Variants in CFAP54 observed in about 807,000 individuals in gnomAD.
CFAP54 encodes the protein cilia- and flagella-associated protein 54.
A neutral mutation model predicts 370.4 loss-of-function variants in CFAP54; 290 were observed. That is an observed-to-expected ratio of 0.78 (90% confidence interval 0.71 to 0.86). The LOEUF (loss-of-function observed/expected upper bound fraction) is 0.86. CFAP54 is among the 40% of genes least tolerant of loss of function. The pLI is 0.00. For missense variants in CFAP54, 3,399 were observed against 3,528.7 expected (o/e 0.96, Z 0.93); for synonymous variants, 1,206 against 1,236.5 (o/e 0.98, Z 0.52).
intron 26 of CFAP54, among the ~76,000 whole-genome samples, chr12:96,607,534 G>A (rs572198495): frequency 5.3e-5 from 8 of 152,228 alleles, no homozygotes; most frequent in African/African-American, 1.7e-4. Flanking sequence ...ACATAGTACA[G>A]AATTACCTAG....
chr12:96,600,533 G>T (rs1266627907), intron 26 of CFAP54, among the ~76,000 whole-genome samples: 1 of 152,124 alleles, frequency 6.6e-6, no homozygotes, highest in Non-Finnish European at 1.5e-5. Flanking sequence ...GAAAGTCATT[G>T]GTAGCTTGAT....
At chr12:96,671,529 A>G (rs1029431430) in intron 39 of CFAP54, among the ~76,000 whole-genome samples, 50 of 152,192 alleles carry the variant, frequency 3.3e-4, no homozygotes, top group African/African-American at 1.2e-3. Context: ...GGAACTTAGT[A>G]TCTCTTTGCT....
At chr12:96,595,921 A>G (rs550836479) in intron 25 of CFAP54, among the ~76,000 whole-genome samples, 3 of 152,120 alleles carry the variant, frequency 2.0e-5, no homozygotes, top group African/African-American at 7.2e-5. Context: ...ATTTTTACCC[A>G]TTGGAAGGTG....
intron 66 of CFAP54, among the ~76,000 whole-genome samples, chr12:96,858,169 T>C (rs1959765632): frequency 6.6e-6 from 1 of 152,230 alleles, no homozygotes; most frequent in East Asian, 1.9e-4. Context: ...TACTAGCATC[T>C]GTTATTTTTT....
Position 96,500,955 on chromosome 12 carries a change from G to C in CFAP54, c.423+16G>C, listed in dbSNP as rs925682914. The C allele has an allele frequency of 6.2e-6, 9 of 1,463,270 alleles. No individual in the cohort carries two copies. The East Asian group carries it at 2.2e-4, about 36-fold the overall frequency. The allele number at this position is 1,463,270 out of a possible 1,614,324, so 90.6% of individuals were successfully genotyped here. ...TCAAATGAAAGTAAGTGCCTCTGCAGGAAAGAGCCAAAAAGAAGTTCATTT... is the reference window on the plus strand; with the variant it reads ...TCAAATGAAAGTAAGTGCCTCTGCACGAAAGAGCCAAAAAGAAGTTCATTT... On this transcript the variant is annotated intron_variant, in intron 2 of 67. Coordinates refer to ENST00000524981, the MANE Select transcript of CFAP54 (RefSeq NM_001306084.2).
chr12:96,648,117 C>A, intron 34 of CFAP54, 100 bp downstream of exon 34: 2 of 828,724 alleles, frequency 2.4e-6, no homozygotes, highest in Non-Finnish European at 3.3e-6. Flanking sequence ...AATGTATACA[C>A]CCAGTTTTCC....
chr12:96,696,110 G>A (rs1369420721), intron 45 of CFAP54, among the ~76,000 whole-genome samples: 2 of 152,142 alleles, frequency 1.3e-5, no homozygotes, highest in Non-Finnish European at 2.9e-5. Context: ...GAGGAAAAAG[G>A]GAACATTTCT....
At chr12:96,572,972 A>G (rs2136418328) in intron 19 of CFAP54, 2 of 985,444 alleles carry the variant, frequency 2.0e-6, no homozygotes, top group East Asian at 2.3e-4. Context: ...CAATTGGTTC[A>G]CTGAATCAGG....
intron 60 of CFAP54, among the ~76,000 whole-genome samples, chr12:96,779,107 CA>C (rs35990040): frequency 0.02 from 2,087 of 103,772 alleles, 17 homozygotes; most frequent in East Asian, 0.038. Flanking sequence ...ATCTCCATCT[CA>C]AAAAAAAAAA....
At chr12:96,873,033 G>C (rs1960207452) in intron 67 of CFAP54, among the ~76,000 whole-genome samples, 1 of 152,196 alleles carries the variant, frequency 6.6e-6, no homozygotes, top group African/African-American at 2.4e-5. Flanking sequence ...CCATTACAGT[G>C]ATCCCTCAAA....
At chr12:96,586,926 T>C (rs1425878251) in intron 22 of CFAP54, among the ~76,000 whole-genome samples, 3 of 152,142 alleles carry the variant, frequency 2.0e-5, no homozygotes, top group Non-Finnish European at 4.4e-5. Flanking sequence ...GAAGGTGGCT[T>C]GGCCAGTGTG....
At chr12:96,512,559 T>C (rs764155243) in intron 4 of CFAP54, among the ~76,000 whole-genome samples, 1 of 151,896 alleles carries the variant, frequency 6.6e-6, no homozygotes, top group East Asian at 1.9e-4. Flanking sequence ...GACAGGCTGG[T>C]CTTGAGCTCC....
At chr12:96,717,105 A>C (rs1464609335) in intron 48 of CFAP54, among the ~76,000 whole-genome samples, 1 of 152,238 alleles carries the variant, frequency 6.6e-6, no homozygotes, top group Admixed American at 6.5e-5. Flanking sequence ...GAGAACACTC[A>C]TGTGGGACCC....
intron 62 of CFAP54, among the ~76,000 whole-genome samples, chr12:96,791,607 T>G (rs1383028425): frequency 6.6e-6 from 1 of 152,152 alleles, no homozygotes; most frequent in African/African-American, 2.4e-5. Context: ...GCAAAATATG[T>G]CTTATTTTCC....
chr12:96,704,825 GT>G, intron 47 of CFAP54, 29 bp downstream of exon 47: 2 of 874,950 alleles, frequency 2.3e-6, no homozygotes, highest in South Asian at 1.8e-5. Context: ...TATAAACATG[GT>G]TTTCCTAAGT....
intron 32 of CFAP54, among the ~76,000 whole-genome samples, chr12:96,643,033 A>G (rs1956750525): frequency 6.6e-6 from 1 of 152,154 alleles, no homozygotes; most frequent in African/African-American, 2.4e-5. Context: ...GGAAGATGCA[A>G]CCGATTGTTG....
chr12:96,502,015 A>G (rs1955034004), intron 2 of CFAP54, among the ~76,000 whole-genome samples: 1 of 152,176 alleles, frequency 6.6e-6, no homozygotes, highest in South Asian at 2.1e-4. Context: ...CCATCCTTAC[A>G]CTTTTCAGTA....
chr12:96,814,613 G>A (rs1177009785), intron 64 of CFAP54, among the ~76,000 whole-genome samples: 2 of 152,132 alleles, frequency 1.3e-5, no homozygotes, highest in African/African-American at 4.8e-5. Context: ...AGGTATACAC[G>A]TACCATGGCA....
chr12:96,695,622 A>G (rs1170494638), intron 45 of CFAP54, among the ~76,000 whole-genome samples: 1 of 152,192 alleles, frequency 6.6e-6, no homozygotes, highest in Non-Finnish European at 1.5e-5. Context: ...TCTTGAGGCT[A>G]GGATCTGTAT....
Sources: gnomAD v4.1 joint callset for allele counts (sites outside exome capture counted in the v4.1 genomes callset) on GRCh38, gnomAD v4.1.1 for gene constraint, MANE v1.5 for transcripts, NCBI Gene and HGNC (gene_info 2026-07-23, HGNC 2026-07-21) for gene names.